Variants in OTULIN observed in about 807,000 individuals in gnomAD.
OTULIN encodes ubiquitin thioesterase otulin.
OTULIN carries 15 observed loss-of-function variants against 39.6 expected under a neutral mutation model. That is an observed-to-expected ratio of 0.38 (90% CI 0.25 to 0.58). OTULIN has a LOEUF of 0.58. Among genes scored for constraint, OTULIN ranks in the 20% least tolerant of loss-of-function variants. The probability of loss-of-function intolerance (pLI) is 0.66; values close to 1 mark genes in which losing one functional copy is unlikely to be tolerated. For synonymous variants in OTULIN, 156 were observed against 170.3 expected, an observed-to-expected ratio of 0.92 and a Z score of 0.65; for missense variants, 319 against 445.9, an observed-to-expected ratio of 0.72 and a Z score of 2.56.
intron 1 of OTULIN, among the ~76,000 whole-genome samples, chr5:14,666,137 A>C (rs1455725191): frequency 2.0e-5 from 3 of 152,174 alleles, no homozygotes; most frequent in African/African-American, 7.2e-5. Flanking sequence ...CAGTGCGCTT[A>C]ATTTAATGCC....
At chr5:14,670,574 C>T (rs1463490620) in intron 1 of OTULIN, among the ~76,000 whole-genome samples, 1 of 152,154 alleles carries the variant, frequency 6.6e-6, no homozygotes, top group African/African-American at 2.4e-5. Context: ...AAACCTAAAA[C>T]TTATTCTTCG....
At chr5:14,683,630 A>G (rs1251597180) in intron 4 of OTULIN, among the ~76,000 whole-genome samples, 2 of 152,292 alleles carry the variant, frequency 1.3e-5, no homozygotes, top group South Asian at 2.1e-4. Context: ...TGCGCTGGCA[A>G]CTGTGGCTAT....
At chr5:14,673,018 A>G (rs1163787081) in intron 1 of OTULIN, among the ~76,000 whole-genome samples, 1 of 152,146 alleles carries the variant, frequency 6.6e-6, no homozygotes, top group Non-Finnish European at 1.5e-5. Context: ...AAAGTACTAG[A>G]GACTAGGAAG....
chr5:14,664,765 C>G lies in OTULIN; in HGVS notation c.-61C>G. 1 of 1,112,978 alleles carries G rather than the reference C, an allele frequency of 9.0e-7. No individual in the cohort carries two copies. The allele number at this position is 1,112,978 out of a possible 1,614,324, so 68.9% of individuals were successfully genotyped here. On this transcript the variant is annotated 5_prime_UTR_variant, in exon 1 of 7. Transcript: ENST00000284274. Reference sequence around the variant, plus strand: ...AGGCTGCGGCCACTGCCTGGCACCCCGACGGGAGGGGCTCCGGATCGTTCG... The same window carrying G: ...AGGCTGCGGCCACTGCCTGGCACCCGGACGGGAGGGGCTCCGGATCGTTCG...
chr5:14,704,601 TTAAG>T (rs1736885248), downstream of OTULIN, among the ~76,000 whole-genome samples: 1 of 152,146 alleles, frequency 6.6e-6, no homozygotes, highest in Non-Finnish European at 1.5e-5. Context: ...TAGGTTATAT[TTAAG>T]TAAGACAGGG....
intron 1 of OTULIN, among the ~76,000 whole-genome samples, chr5:14,672,658 T>C (rs1239913753): frequency 6.6e-6 from 1 of 152,150 alleles, no homozygotes; most frequent in African/African-American, 2.4e-5. Flanking sequence ...TTCTGCTCAG[T>C]GTGTTACTCA....
At chr5:14,678,500 C>T (rs1736162366) in intron 2 of OTULIN, among the ~76,000 whole-genome samples, 181 bp from the exon 3 acceptor site, 1 of 152,072 alleles carries the variant, frequency 6.6e-6, no homozygotes, top group African/African-American at 2.4e-5. Context: ...TGGGAGACCC[C>T]CATGGTTATC....
At position 14,694,395 on chromosome 5, in the gene OTULIN, C is replaced by G. The variant is rs1736612346; in HGVS notation, c.*1347C>G. On this transcript the variant is annotated 3_prime_UTR_variant, in exon 7 of 7. Coordinates refer to ENST00000284274, the MANE Select transcript of OTULIN (RefSeq NM_138348.6). ...GGACTGCAGATGGTGTTCACATGAACCGGAGACATCACTCTTTAGGATTCT... is the reference window on the plus strand; with the variant it reads ...GGACTGCAGATGGTGTTCACATGAAGCGGAGACATCACTCTTTAGGATTCT... The G allele has an allele frequency of 6.6e-6, 1 of 152,146 alleles. No homozygotes were observed. Among genetic ancestry groups the G allele is most frequent in the Non-Finnish European group, 1.5e-5 (1 of 68,030 alleles). 9.4% of individuals were successfully genotyped at this position (152,146 alleles called of 1,614,324 possible). A position where few individuals can be genotyped will look rare whatever the true frequency, so the allele number is the denominator to read the frequency against.
intron 4 of OTULIN, 155 bp downstream of exon 4, chr5:14,681,762 A>G (rs1057286815): frequency 7.1e-6 from 6 of 839,308 alleles, no homozygotes; most frequent in Non-Finnish European, 8.6e-6. Context: ...GATTTCACAT[A>G]GTTAAATGAC....
chr5:14,713,954 C>T, the OTULIN span, among the ~76,000 whole-genome samples: 1 of 152,254 alleles, frequency 6.6e-6, no homozygotes, highest in South Asian at 2.1e-4. This position sits in a 1 kb window ranked among gnomAD's most constrained non-coding sequence, Gnocchi z 4.4. Context: ...CCTAGCTGCT[C>T]TTGTCCAGTC....
chr5:14,688,735 G>T, intron 5 of OTULIN, among the ~76,000 whole-genome samples: 1 of 152,174 alleles, frequency 6.6e-6, no homozygotes, highest in East Asian at 1.9e-4. Context: ...TAGAATGCAG[G>T]ATTTTTGTGT....
the OTULIN span, chr5:14,713,777 G>A: frequency 3.3e-6 from 5 of 1,524,984 alleles, no homozygotes; most frequent in Admixed American, 8.4e-5. This position sits in a 1 kb window ranked among gnomAD's most constrained non-coding sequence, Gnocchi z 4.4. Context: ...CTAGGACCCT[G>A]GCCTTGCTGT....
downstream of OTULIN, among the ~76,000 whole-genome samples, chr5:14,703,700 G>A (rs904867262): frequency 6.6e-6 from 1 of 152,180 alleles, no homozygotes; most frequent in Non-Finnish European, 1.5e-5. Context: ...AGGCAACCAG[G>A]AACTGAACAT....
At chr5:14,679,954 C>G (rs1736204602) in intron 3 of OTULIN, among the ~76,000 whole-genome samples, 1 of 152,200 alleles carries the variant, frequency 6.6e-6, no homozygotes, top group Admixed American at 6.5e-5. Flanking sequence ...CCATCAGGAC[C>G]CATGGCAGTA....
chr5:14,690,272 C>T lies in OTULIN; in HGVS notation c.828C>T (p.His276=), dbSNP rs934539516. 2 of 1,614,078 alleles carry T rather than the reference C, an allele frequency of 1.2e-6. No homozygotes were observed. The highest frequency in any genetic ancestry group is 1.3e-5 in the African/African-American group (1 of 74,942). ...SNDPGQLLRN[H]LNQVGHTGGL... ...ACCCAGGACAGCTTCTGAGGAACCA[C>T]CTCAACCAGGTGGGACACACTGGTG... The change falls in exon 6 of 7, where the codon CAC becomes CAT. Residue 276 remains histidine (H), a synonymous_variant. Transcript: ENST00000284274. The surrounding 1 kb of genome is among the most constrained non-coding windows in gnomAD (Gnocchi z 4.5).
intron 2 of OTULIN, among the ~76,000 whole-genome samples, chr5:14,675,974 G>A (rs186146248): frequency 7.2e-4 from 110 of 152,274 alleles, no homozygotes; most frequent in African/African-American, 2.5e-3. Context: ...GGTGGCTTTC[G>A]TGCATAGTAA....
At chr5:14,678,630 A>T (rs1338552798) in intron 2 of OTULIN, 51 bp from the exon 3 acceptor site, 1 of 1,310,848 alleles carries the variant, frequency 7.6e-7, no homozygotes, top group Non-Finnish European at 1.0e-6. Flanking sequence ...CAGTATTCTG[A>T]TTATGCTTTG....
At chr5:14,675,124 C>T (rs1020056773) in intron 2 of OTULIN, among the ~76,000 whole-genome samples, 1 of 152,158 alleles carries the variant, frequency 6.6e-6, no homozygotes, top group South Asian at 2.1e-4. Context: ...GATGTCTTAT[C>T]CTTCTTAGTG....
chr5:14,665,345 C>T (rs1055447875), intron 1 of OTULIN, among the ~76,000 whole-genome samples: 2 of 152,062 alleles, frequency 1.3e-5, no homozygotes, highest in African/African-American at 4.8e-5. Context: ...TGAGGTCGAC[C>T]CTGCTGCAGC....
Sources: allele counts gnomAD v4.1 joint callset (sites outside exome capture counted in the v4.1 genomes callset), GRCh38; gene constraint gnomAD v4.1.1; non-coding constraint Gnocchi (gnomAD v3.1); transcripts MANE v1.5; gene names NCBI Gene and HGNC (gene_info 2026-07-23, HGNC 2026-07-21).